Variants in WRN observed in about 807,000 individuals in gnomAD.
WRN encodes bifunctional 3'-5' exonuclease/ATP-dependent helicase WRN.
In WRN, 149 loss-of-function variants were observed where a neutral mutation model predicts 180.7. The ratio of observed to expected loss-of-function variants is 0.82; its 90% CI spans 0.72 to 0.94. The LOEUF is 0.94. Ranked by LOEUF, WRN falls within the 40% of genes least tolerant of loss-of-function variation. WRN has a pLI of 0.00. For missense variants in WRN, 1,661 were observed against 1,700.1 expected, an observed-to-expected ratio of 0.98 and a Z score of 0.40; for synonymous variants, 548 against 568.9, an observed-to-expected ratio of 0.96 and a Z score of 0.52.
intron 20 of WRN, among the ~76,000 whole-genome samples, chr8:31,118,130 C>T (rs890207114): frequency 1.4e-4 from 21 of 152,020 alleles, no homozygotes; most frequent in Non-Finnish European, 2.2e-4. Context: ...TTGTTGGATG[C>T]GCCTGATTTT....
chr8:31,089,751 T>G (rs1274677763), intron 13 of WRN, among the ~76,000 whole-genome samples: 1 of 151,958 alleles, frequency 6.6e-6, no homozygotes, highest in East Asian at 1.9e-4. Flanking sequence ...TTTTCTAAGA[T>G]GTAGTAAAGT....
At chr8:31,052,584 C>T (rs562895796) in intron 1 of WRN, among the ~76,000 whole-genome samples, 27 of 152,204 alleles carry the variant, frequency 1.8e-4, no homozygotes, top group African/African-American at 5.3e-4. Flanking sequence ...GACGGGGTTT[C>T]GCCATATGCC....
rs777437332 is a variant in WRN at position 31,067,043 on chromosome 8, C to T, written c.515C>T (p.Thr172Ile). Residue 172 changes from threonine (T) to isoleucine (I), a missense_variant, in exon 6 of 35, where the codon ACA becomes ATA. Physicochemically the swap from Thr to Ile is moderately conservative, Grantham distance 89 (BLOSUM62 -1). This residue lies in a region of WRN where 500 missense variants were observed against 504.1 expected (regional missense o/e 0.99). Transcript: ENST00000298139. ...TDVANKKLKC[T>I]ETWSLNSLVK... ...TTTCATCATTTCTAGCTGAAATGCA[C>T]AGAGACCTGGAGCCTTAACAGTCTG... 3 of 1,613,764 alleles carry T rather than the reference C, an allele frequency of 1.9e-6. No homozygotes were observed. Among genetic ancestry groups the T allele is most frequent in the South Asian group, 1.1e-5 (1 of 91,078 alleles).
intron 23 of WRN, among the ~76,000 whole-genome samples, chr8:31,125,829 C>T (rs1801909977): frequency 6.6e-6 from 1 of 150,974 alleles, no homozygotes; most frequent in Non-Finnish European, 1.5e-5. Context: ...TACTTAAAGT[C>T]AACTGATTAT....
intron 29 of WRN, 79 bp from the exon 30 acceptor site, chr8:31,147,285 G>A (rs1802895714): frequency 6.8e-7 from 1 of 1,474,254 alleles, no homozygotes; most frequent in Non-Finnish European, 9.5e-7. Context: ...GAAAAATGTG[G>A]TATCTGAAGC....
At chr8:31,095,228 A>G (rs888811942) in intron 16 of WRN, among the ~76,000 whole-genome samples, 2 of 151,994 alleles carry the variant, frequency 1.3e-5, no homozygotes, top group Non-Finnish European at 2.9e-5. Context: ...GGCCATCTGT[A>G]TATCTTCTTT....
At chr8:31,048,951 C>G (rs1231483982) in intron 1 of WRN, among the ~76,000 whole-genome samples, 3 of 151,862 alleles carry the variant, frequency 2.0e-5, no homozygotes, top group Admixed American at 2.0e-4. Flanking sequence ...TTTCTGTTGT[C>G]AGACTAGTTG....
intron 23 of WRN, among the ~76,000 whole-genome samples, chr8:31,126,784 T>C (rs917264514): frequency 1.3e-5 from 2 of 151,722 alleles, no homozygotes; most frequent in Non-Finnish European, 2.9e-5. Flanking sequence ...ATAGAGAAAA[T>C]CAACTCAAAA....
intron 19 of WRN, 31 bp downstream of exon 19, chr8:31,111,830 AATG>A (rs1801331574): frequency 8.7e-6 from 14 of 1,607,670 alleles, no homozygotes; most frequent in Non-Finnish European, 1.2e-5. Context: ...GAATTTTGGT[AATG>A]ATTTCCTTTT....
At position 31,116,466 on chromosome 8, in the gene WRN, G is replaced by A; in HGVS notation, c.2386G>A (p.Ala796Thr). The change falls in exon 20 of 35, where the codon GCG (alanine) becomes ACG (threonine). Residue 796 changes from alanine to threonine, a missense_variant. Physicochemically the swap from Ala to Thr is moderately conservative, Grantham distance 58. Transcript: ENST00000298139. ...GAATCTATCCTGTGGAACATACCAT[G>A]CGGGCATGAGTTTTAGCACAAGGAA... ...KLNLSCGTYH[A>T]GMSFSTRKDI... is the part of the protein sequence containing the mutation. The A allele has an allele frequency of 1.2e-6, 2 of 1,614,022 alleles. No homozygotes were observed. The highest frequency in any genetic ancestry group is 1.7e-6 in the Non-Finnish European group (2 of 1,179,940).
At chr8:31,086,098 A>G (rs1460347726) in intron 11 of WRN, among the ~76,000 whole-genome samples, 1 of 152,172 alleles carries the variant, frequency 6.6e-6, no homozygotes, top group Admixed American at 6.5e-5. Context: ...CCAAAGATGT[A>G]TAATAAGAAA....
At chr8:31,166,881 A>G (rs1214948248) in intron 33 of WRN, 141 bp from the exon 34 acceptor site, 5 of 758,068 alleles carry the variant, frequency 6.6e-6, no homozygotes, top group African/African-American at 3.5e-5. Context: ...CCGTAAGGCT[A>G]TAGGCATTTG....
intron 19 of WRN, among the ~76,000 whole-genome samples, chr8:31,115,785 C>A (rs1801494445): frequency 6.6e-6 from 1 of 152,138 alleles, no homozygotes; most frequent in Non-Finnish European, 1.5e-5. Flanking sequence ...TAAAGAAGCA[C>A]AAGTTTCTAC....
intron 21 of WRN, among the ~76,000 whole-genome samples, chr8:31,121,162 G>A (rs1452392184): frequency 6.6e-6 from 1 of 151,926 alleles, no homozygotes; most frequent in African/African-American, 2.4e-5. Flanking sequence ...TTCATCCGTA[G>A]GAAAAAGAAT....
intron 18 of WRN, among the ~76,000 whole-genome samples, chr8:31,107,531 G>T (rs542835840): frequency 6.6e-6 from 1 of 152,070 alleles, no homozygotes; most frequent in African/African-American, 2.4e-5. Context: ...CTGAGAAAAC[G>T]TTTTTCCCCT....
At position 31,068,351 on chromosome 8, in the gene WRN, A is replaced by C. The variant is rs142886159; in HGVS notation, c.724+24A>C. On this transcript the variant is annotated intron_variant, in intron 7 of 34. Transcript: ENST00000298139. ...AGGTATGTTAAGATCCATAAATAAAATGTGAATTCACTCTTTTGTGAGGTT... is the reference window on the plus strand; with the variant it reads ...AGGTATGTTAAGATCCATAAATAAACTGTGAATTCACTCTTTTGTGAGGTT... 6,617 of 1,565,996 alleles carry C rather than the reference A, an allele frequency of 4.2e-3. 17 individuals carry two copies. The highest frequency in any genetic ancestry group is 5.4e-3 in the Non-Finnish European group (6,119 of 1,139,434).
intron 20 of WRN, among the ~76,000 whole-genome samples, chr8:31,116,827 G>A (rs1353941572): frequency 4.6e-5 from 7 of 152,142 alleles, no homozygotes. Context: ...AAGTATGCCA[G>A]GCCAGTAGGT....
At chr8:31,148,029 A>G (rs533311941) in intron 30 of WRN, among the ~76,000 whole-genome samples, 5 of 152,050 alleles carry the variant, frequency 3.3e-5, no homozygotes, top group African/African-American at 1.2e-4. Context: ...CTGGGACTAC[A>G]GAACATGCCA....
At chr8:31,162,111 A>C (rs550232647) in intron 33 of WRN, among the ~76,000 whole-genome samples, 2 of 152,134 alleles carry the variant, frequency 1.3e-5, no homozygotes, top group South Asian at 4.1e-4. Flanking sequence ...TTCTTTTGCC[A>C]ATAATAAATT....
Sources: allele counts gnomAD v4.1 joint callset (sites outside exome capture counted in the v4.1 genomes callset), GRCh38; gene constraint gnomAD v4.1.1; regional missense constraint gnomAD v4.1.1; transcripts MANE v1.5; gene names NCBI Gene and HGNC (gene_info 2026-07-23, HGNC 2026-07-21).